Variants in WDR70 observed in about 807,000 individuals in gnomAD.
The protein encoded by WDR70 is WD repeat-containing protein 70.
In WDR70, 53 loss-of-function variants were observed where a neutral mutation model predicts 88.6. That is an observed-to-expected ratio of 0.60 (90% CI 0.48 to 0.75). The LOEUF is 0.75. Ranked by LOEUF, WDR70 falls within the 30% of genes least tolerant of loss-of-function variation. The probability of loss-of-function intolerance (pLI) is 0.00; values close to 1 mark genes in which losing one functional copy is unlikely to be tolerated. For synonymous variants in WDR70, 280 were observed against 270.0 expected (o/e 1.04, Z -0.36); for missense variants, 610 against 823.2 (o/e 0.74, Z 3.17).
Position 37,433,072 on chromosome 5 carries a change from T to G in WDR70, c.493-4850T>G, listed in dbSNP as rs550730546. Among the ~76,000 whole-genome samples, 6 of 152,286 alleles carry G rather than the reference T, an allele frequency of 3.9e-5. No individual in the cohort carries two copies. In the South Asian group the frequency reaches 8.3e-4, roughly 21 times the overall value. On this transcript the variant is annotated intron_variant, in intron 5 of 17. Coordinates refer to ENST00000265107, the MANE Select transcript of WDR70 (RefSeq NM_018034.4). ...GATATTTTAAAATCTCAGATTTTTT[T>G]TTGTTGTTGTTGAACAGAGTCTCAG... is the stretch of plus-strand genomic sequence containing the variant.
chr5:37,529,224 C>T (rs1189926671), intron 9 of WDR70, among the ~76,000 whole-genome samples: 2 of 151,980 alleles, frequency 1.3e-5, no homozygotes, highest in African/African-American at 2.4e-5. Flanking sequence ...GTGACTATGG[C>T]CTTATAGTAT....
rs1416197607 is a variant in WDR70, at chr5:37,736,083, A to G, written c.1877+9038A>G. On this transcript the variant is annotated intron_variant, in intron 17 of 17. Coordinates refer to ENST00000265107, the MANE Select transcript of WDR70 (RefSeq NM_018034.4). ...GCAGATTCAGTTTCAGTTTCTTGTAAGAAGATGCTGCTGGAGGGAGAGAAA... is the reference window on the plus strand; with the variant it reads ...GCAGATTCAGTTTCAGTTTCTTGTAGGAAGATGCTGCTGGAGGGAGAGAAA... 3.9e-5 allele frequency among the ~76,000 whole-genome samples: 6 copies of G among 152,302 alleles called. No homozygotes were observed. In the South Asian group the frequency reaches 1.2e-3, roughly 32 times the overall value.
intron 10 of WDR70, among the ~76,000 whole-genome samples, chr5:37,677,158 A>C (rs1282434944): frequency 6.6e-6 from 1 of 151,718 alleles, no homozygotes; most frequent in African/African-American, 2.4e-5. Flanking sequence ...GTGGTCTATC[A>C]ATTTTGTTGA....
chr5:37,444,884 A>G (rs1340797478), intron 7 of WDR70, among the ~76,000 whole-genome samples: 2 of 152,182 alleles, frequency 1.3e-5, no homozygotes, highest in African/African-American at 4.8e-5. Context: ...TGCAACCTAG[A>G]GATCCCTCAC....
intron 7 of WDR70, among the ~76,000 whole-genome samples, chr5:37,475,086 T>G (rs1277968422): frequency 2.7e-5 from 4 of 150,426 alleles, no homozygotes; most frequent in Non-Finnish European, 5.9e-5. Context: ...GCCTGGCTAA[T>G]TTTTTGTATT....
chr5:37,647,832 G>C (rs1223277807), intron 10 of WDR70, among the ~76,000 whole-genome samples: 1 of 152,202 alleles, frequency 6.6e-6, no homozygotes, highest in Non-Finnish European at 1.5e-5. Context: ...CTGGGACTGT[G>C]CTTGGTCAGA....
chr5:37,698,437 T>G (rs894761677), intron 11 of WDR70, among the ~76,000 whole-genome samples: 17 of 152,080 alleles, frequency 1.1e-4, no homozygotes, highest in Admixed American at 7.2e-4. Context: ...AATAGCATGG[T>G]AAGTAGTTTG....
intron 9 of WDR70, among the ~76,000 whole-genome samples, chr5:37,533,379 G>T (rs1741556834): frequency 6.6e-6 from 1 of 152,086 alleles, no homozygotes. Context: ...ATCACTTGAG[G>T]TCAGGAGTTC....
chr5:37,509,691 C>T (rs528298640), intron 8 of WDR70, among the ~76,000 whole-genome samples: 108 of 152,116 alleles, frequency 7.1e-4, no homozygotes, highest in African/African-American at 2.5e-3. Flanking sequence ...TGTCGATCTT[C>T]GCATGACTCA....
intron 9 of WDR70, among the ~76,000 whole-genome samples, chr5:37,604,311 G>T (rs1743969407): frequency 6.6e-6 from 1 of 152,092 alleles, no homozygotes; most frequent in African/African-American, 2.4e-5. Context: ...TTTTCTTTTA[G>T]AACTTTAAGG....
chr5:37,580,138 A>G (rs1023784565), intron 9 of WDR70, among the ~76,000 whole-genome samples: 6 of 152,210 alleles, frequency 3.9e-5, no homozygotes, highest in South Asian at 2.1e-4. Context: ...AATTTTATCT[A>G]TTTAATGAAT....
chr5:37,492,008 A>G (rs1740082500), intron 8 of WDR70, among the ~76,000 whole-genome samples: 1 of 152,146 alleles, frequency 6.6e-6, no homozygotes, highest in Non-Finnish European at 1.5e-5. Flanking sequence ...TTCCAGGGTC[A>G]TCTTATACTT....
intron 9 of WDR70, among the ~76,000 whole-genome samples, chr5:37,558,423 A>G (rs766437170): frequency 6.6e-6 from 1 of 151,872 alleles, no homozygotes; most frequent in Non-Finnish European, 1.5e-5. Flanking sequence ...AGCTCAAGTG[A>G]TTCTCCCACT....
chr5:37,552,257 A>G (rs1310825793), intron 9 of WDR70, among the ~76,000 whole-genome samples: 2 of 152,178 alleles, frequency 1.3e-5, no homozygotes, highest in Non-Finnish European at 2.9e-5. Context: ...TGCATTTTAA[A>G]TACAAAAGGC....
At chr5:37,569,279 A>C (rs1742833574) in intron 9 of WDR70, among the ~76,000 whole-genome samples, 1 of 152,148 alleles carries the variant, frequency 6.6e-6, no homozygotes, top group South Asian at 2.1e-4. Flanking sequence ...CTACATAATG[A>C]TTGGTCTTAG....
chr5:37,418,933 T>G (rs962409417), intron 5 of WDR70, among the ~76,000 whole-genome samples: 1 of 151,882 alleles, frequency 6.6e-6, no homozygotes, highest in Admixed American at 6.6e-5. Flanking sequence ...CTGGCTAATA[T>G]TTGTACTTTT....
chr5:37,538,589 T>G (rs939610810), intron 9 of WDR70, among the ~76,000 whole-genome samples: 1 of 152,152 alleles, frequency 6.6e-6, no homozygotes, highest in Non-Finnish European at 1.5e-5. Context: ...CTAAGTTAAA[T>G]TGTGGACATC....
chr5:37,448,721 C>T (rs530887614), intron 7 of WDR70, among the ~76,000 whole-genome samples: 6 of 128,202 alleles, frequency 4.7e-5, no homozygotes, highest in Admixed American at 2.8e-4. Context: ...AATCTCCAAA[C>T]GTTATTTGGA....
intron 17 of WDR70, among the ~76,000 whole-genome samples, chr5:37,748,674 C>T (rs1748707343): frequency 6.6e-6 from 1 of 152,146 alleles, no homozygotes; most frequent in African/African-American, 2.4e-5. Context: ...TCAGAGTGAA[C>T]AGGCAACCTA....
Sources: gnomAD v4.1 joint callset for allele counts (sites outside exome capture counted in the v4.1 genomes callset) on GRCh38, gnomAD v4.1.1 for gene constraint, MANE v1.5 for transcripts, NCBI Gene and HGNC (gene_info 2026-07-23, HGNC 2026-07-21) for gene names.